Variants in CFAP58 observed in about 807,000 individuals in gnomAD.
The protein encoded by CFAP58 is cilia and flagella associated protein 58, also known as cilia- and flagella-associated protein 58.
Under a neutral mutation model 119.5 loss-of-function variants are expected in CFAP58, and 88 were observed. That is an observed-to-expected ratio of 0.74 (90% CI 0.62 to 0.88). CFAP58 has a LOEUF of 0.88. CFAP58 is among the 40% of genes least tolerant of loss of function. The probability of loss-of-function intolerance (pLI) is 0.00; values close to 1 mark genes in which losing one functional copy is unlikely to be tolerated. For missense variants in CFAP58, 990 were observed against 1,021.2 expected, an observed-to-expected ratio of 0.97 and a Z score of 0.42; for synonymous variants, 365 against 366.3, an observed-to-expected ratio of 1.00 and a Z score of 0.04.
intron 15 of CFAP58, among the ~76,000 whole-genome samples, chr10:104,439,923 C>A (rs2013008741): frequency 6.6e-6 from 1 of 152,146 alleles, no homozygotes; most frequent in South Asian, 2.1e-4. Context: ...GGGTTCACGC[C>A]ATTCTCCTGC....
chr10:104,349,338 C>T (rs1158768042), upstream of CFAP58, among the ~76,000 whole-genome samples: 7 of 151,888 alleles, frequency 4.6e-5, no homozygotes, highest in Non-Finnish European at 1.0e-4. Context: ...AGTCCAAGAT[C>T]AAAGTGTCAG....
chr10:104,395,658 C>T (rs2012134932), intron 11 of CFAP58, among the ~76,000 whole-genome samples: 1 of 152,162 alleles, frequency 6.6e-6, no homozygotes, highest in South Asian at 2.1e-4. Context: ...AAGAATGAAT[C>T]ACATTTCACA....
intron 15 of CFAP58, among the ~76,000 whole-genome samples, chr10:104,417,768 G>A (rs2012576622): frequency 1.3e-5 from 2 of 152,192 alleles, no homozygotes; most frequent in Admixed American, 1.3e-4. Flanking sequence ...TGCAGCCACT[G>A]GAAGCCCAGA....
intron 15 of CFAP58, among the ~76,000 whole-genome samples, chr10:104,418,732 G>A (rs1171977201): frequency 6.6e-6 from 1 of 152,148 alleles, no homozygotes; most frequent in African/African-American, 2.4e-5. Flanking sequence ...AGATCTGGAA[G>A]GCAGAATTCT....
chr10:104,423,736 T>C lies in CFAP58; in HGVS notation c.2256+16943T>C, dbSNP rs144737460. ...AAGAGATTTTCAGTGATAAATGTTTTTGGACAGCAGCAAGATTCAATTCAG... is the reference window on the plus strand; with the variant it reads ...AAGAGATTTTCAGTGATAAATGTTTCTGGACAGCAGCAAGATTCAATTCAG... On this transcript the variant is annotated intron_variant, in intron 15 of 17. Transcript: ENST00000369704. 2.3e-3 allele frequency among the ~76,000 whole-genome samples: 344 copies of C among 152,332 alleles called. 4 individuals carry two copies. The highest frequency in any genetic ancestry group is 7.8e-3 in the African/African-American group (325 of 41,578).
At chr10:104,345,351 T>C in the CFAP58 span, among the ~76,000 whole-genome samples, 7 of 152,118 alleles carry the variant, frequency 4.6e-5, no homozygotes, top group African/African-American at 1.7e-4. Flanking sequence ...GTGCATTTTA[T>C]TGTAATCCTT....
At chr10:104,409,681 CT>C (rs1382513154) in intron 15 of CFAP58, among the ~76,000 whole-genome samples, 1 of 152,072 alleles carries the variant, frequency 6.6e-6, no homozygotes, top group African/African-American at 2.4e-5. Flanking sequence ...TTTCTTCCTG[CT>C]TGAATTGCTC....
intron 15 of CFAP58, among the ~76,000 whole-genome samples, chr10:104,431,757 G>C (rs1168898478): frequency 2.0e-5 from 3 of 152,012 alleles, no homozygotes; most frequent in African/African-American, 7.2e-5. Context: ...ATATTTTTGT[G>C]CTTTTACTGC....
the CFAP58 span, among the ~76,000 whole-genome samples, chr10:104,343,810 C>T: frequency 2.6e-5 from 4 of 152,172 alleles, no homozygotes; most frequent in Non-Finnish European, 2.9e-5. Flanking sequence ...GAGTGACGGT[C>T]GGCTTCACTG....
chr10:104,357,860 CATATAT>C (rs755984146), intron 1 of CFAP58, among the ~76,000 whole-genome samples: 51 of 118,936 alleles, frequency 4.3e-4, no homozygotes, highest in Non-Finnish European at 8.1e-4. Context: ...CATATATACA[CATATAT>C]ACACATATAT....
At chr10:104,424,571 T>G (rs1564900420) in intron 15 of CFAP58, among the ~76,000 whole-genome samples, 1 of 152,194 alleles carries the variant, frequency 6.6e-6, no homozygotes, top group Non-Finnish European at 1.5e-5. Context: ...ATTTATGATC[T>G]ATTTGAGAAG....
chr10:104,393,589 T>A, intron 11 of CFAP58, 114 bp downstream of exon 11: 1 of 995,002 alleles, frequency 1.0e-6, no homozygotes, highest in South Asian at 1.8e-5. Context: ...CTGCCTGTGG[T>A]CACAGTTGCT....
chr10:104,406,671 G>A lies in CFAP58; in HGVS notation c.2152-18G>A. ...AGCTGATGATATCTCAGCTGCTATT[G>A]TTGTTCCCCTTGGACAGGCCAGCGA... is the stretch of plus-strand genomic sequence containing the variant. On this transcript the variant is annotated intron_variant, in intron 14 of 17. Coordinates refer to ENST00000369704, the MANE Select transcript of CFAP58 (RefSeq NM_001008723.2). 6.2e-7 allele frequency: 1 copy of A among 1,606,018 alleles called. No homozygotes were observed. Among genetic ancestry groups the A allele is most frequent in the Non-Finnish European group, 8.5e-7 (1 of 1,173,086 alleles).
At chr10:104,413,706 A>ACAT (rs199893413) in intron 15 of CFAP58, among the ~76,000 whole-genome samples, 30,639 of 143,748 alleles carry the variant, frequency 0.21, 3,204 homozygotes, top group East Asian at 0.3. Context: ...GGGTATCATT[A>ACAT]CATCATCATC....
At chr10:104,384,596 A>T (rs7082919) in intron 9 of CFAP58, among the ~76,000 whole-genome samples, 77,868 of 152,062 alleles carry the variant, frequency 0.51, 20,345 homozygotes, top group African/African-American at 0.61. Context: ...TCTTTGAAAT[A>T]GCCTTTTTGT....
intron 9 of CFAP58, 77 bp downstream of exon 9, chr10:104,380,297 G>T: frequency 7.8e-7 from 1 of 1,288,970 alleles, no homozygotes. Flanking sequence ...ACAAACTGTT[G>T]CAAAGAGAAT....
intron 7 of CFAP58, among the ~76,000 whole-genome samples, chr10:104,373,718 C>T (rs1183543239): frequency 1.3e-5 from 2 of 151,624 alleles, no homozygotes; most frequent in Non-Finnish European, 2.9e-5. Context: ...GAAGAATAAA[C>T]ATATGAAAAT....
intron 10 of CFAP58, among the ~76,000 whole-genome samples, chr10:104,392,749 C>T (rs918095525): frequency 6.6e-6 from 1 of 151,256 alleles, no homozygotes; most frequent in Non-Finnish European, 1.5e-5. Context: ...AAGTGATTCT[C>T]CTGCCTCAGT....
chr10:104,392,614 T>C (rs375899728), intron 10 of CFAP58, among the ~76,000 whole-genome samples: 2 of 151,384 alleles, frequency 1.3e-5, no homozygotes, highest in East Asian at 3.9e-4. Context: ...AATTATTATG[T>C]AGAATTACTA....
Sources: gnomAD v4.1 joint callset for allele counts (sites outside exome capture counted in the v4.1 genomes callset) on GRCh38, gnomAD v4.1.1 for gene constraint, MANE v1.5 for transcripts, NCBI Gene and HGNC (gene_info 2026-07-23, HGNC 2026-07-21) for gene names.